DIAPH2: variants seen among roughly 807,000 people sequenced by gnomAD.
DIAPH2 encodes the protein protein diaphanous homolog 2.
A neutral mutation model predicts 92.7 loss-of-function variants in DIAPH2; 35 were observed. The ratio of observed to expected loss-of-function variants is 0.38; its 90% CI spans 0.29 to 0.50. The LOEUF is 0.50. DIAPH2 is among the 20% of genes least tolerant of loss of function. The pLI is 0.94. For synonymous variants in DIAPH2, 301 were observed against 280.4 expected, an observed-to-expected ratio of 1.07 and a Z score of -0.73; for missense variants, 701 against 819.5, an observed-to-expected ratio of 0.86 and a Z score of 1.77.
At chrX:96,836,214 G>T in intron 4 of DIAPH2, among the ~76,000 whole-genome samples, 1 of 109,294 alleles carries the variant, frequency 9.1e-6, no homozygotes, top group Non-Finnish European at 1.9e-5. Flanking sequence ...CCCTCCCACC[G>T]TTTCTCCTAA....
intron 26 of DIAPH2, among the ~76,000 whole-genome samples, chrX:97,551,483 G>A (rs1355830388): frequency 3.7e-5 from 4 of 108,750 alleles, no homozygotes; most frequent in Non-Finnish European, 5.7e-5. Context: ...CCAGCTACTC[G>A]GGAGATTGAG....
At chrX:96,960,208 G>A (rs749918993) in intron 16 of DIAPH2, among the ~76,000 whole-genome samples, 2 of 111,081 alleles carry the variant, frequency 1.8e-5, no homozygotes, top group African/African-American at 6.5e-5. Flanking sequence ...TTGTATGGTC[G>A]TTTTAACAGT....
intron 16 of DIAPH2, among the ~76,000 whole-genome samples, chrX:96,960,511 G>A (rs1450416295): frequency 9.0e-6 from 1 of 110,731 alleles, no homozygotes; most frequent in Admixed American, 9.6e-5. Context: ...GGGGTGTTTA[G>A]GTATCTCCAA....
At chrX:96,778,430 T>C (rs2064392836) in intron 4 of DIAPH2, among the ~76,000 whole-genome samples, 1 of 110,859 alleles carries the variant, frequency 9.0e-6, no homozygotes, top group Non-Finnish European at 1.9e-5. Flanking sequence ...TTTTTTTGCC[T>C]TTTCTGAGCC....
chrX:97,137,172 ACTTGCAC>A (rs1162539279), intron 21 of DIAPH2, among the ~76,000 whole-genome samples: 6 of 104,920 alleles, frequency 5.7e-5, no homozygotes, highest in Admixed American at 1.1e-4. Context: ...TCTGGCATTC[ACTTGCAC>A]CTAACTCTAG....
At chrX:97,037,082 G>A (rs2066415965) in intron 17 of DIAPH2, among the ~76,000 whole-genome samples, 1 of 111,393 alleles carries the variant, frequency 9.0e-6, no homozygotes, top group Non-Finnish European at 1.9e-5. Flanking sequence ...TTAAGTGGTA[G>A]ATCCAGTATT....
intron 17 of DIAPH2, among the ~76,000 whole-genome samples, chrX:97,012,583 G>A (rs1425433516): frequency 8.9e-6 from 1 of 111,903 alleles, no homozygotes; most frequent in Admixed American, 9.5e-5. Flanking sequence ...ACCTCTTTAA[G>A]TACATTTCTC....
At chrX:96,840,743 G>A (rs2064930637) in intron 4 of DIAPH2, among the ~76,000 whole-genome samples, 1 of 109,474 alleles carries the variant, frequency 9.1e-6, no homozygotes, top group African/African-American at 3.3e-5. Context: ...TGAGTAGCTG[G>A]GACTACAGAC....
At chrX:97,390,542 C>G (rs895408130) in intron 25 of DIAPH2, among the ~76,000 whole-genome samples, 18 of 108,381 alleles carry the variant, frequency 1.7e-4, no homozygotes, top group African/African-American at 5.4e-4. Flanking sequence ...CTTTTCTTTT[C>G]TTTTTTTTGA....
rs2064321911 is a variant in DIAPH2 at position 96,769,071 on chromosome X, G to T, written c.447+10813G>T. ...TTGTTGCTGTAGTTTAAGTAATAAGGGTGCTGAACTGGAGTGTGGTTAGTA... is the reference window on the plus strand; with the variant it reads ...TTGTTGCTGTAGTTTAAGTAATAAGTGTGCTGAACTGGAGTGTGGTTAGTA... On this transcript the variant is annotated intron_variant, in intron 4 of 26. Transcript: ENST00000324765. Among the ~76,000 whole-genome samples, 3 of 111,081 alleles carry T rather than the reference G, an allele frequency of 2.7e-5. No homozygotes were observed. In the Admixed American group the frequency reaches 2.9e-4, roughly 11 times the overall value.
chrX:96,889,267 A>G (rs1443537315), intron 5 of DIAPH2, among the ~76,000 whole-genome samples: 3 of 111,334 alleles, frequency 2.7e-5, no homozygotes, highest in Non-Finnish European at 5.7e-5. Flanking sequence ...AAATCTATGC[A>G]TGTAGTTTTT....
At chrX:97,024,494 C>A (rs2066318569) in intron 17 of DIAPH2, among the ~76,000 whole-genome samples, 1 of 111,976 alleles carries the variant, frequency 8.9e-6, no homozygotes, top group Non-Finnish European at 1.9e-5. Context: ...AAGAGTCACC[C>A]TCTTTGTGTG....
chrX:96,962,099 T>C (rs1419051582), intron 16 of DIAPH2, among the ~76,000 whole-genome samples: 1 of 106,292 alleles, frequency 9.4e-6, no homozygotes, highest in Non-Finnish European at 1.9e-5. Context: ...AGATGATCTG[T>C]CTAATGCTGG....
chrX:97,023,128 G>A (rs1039611717), intron 17 of DIAPH2, among the ~76,000 whole-genome samples: 4 of 111,811 alleles, frequency 3.6e-5, no homozygotes, highest in Admixed American at 9.5e-5. Context: ...GATAATTTGG[G>A]TTTCTAACTC....
chrX:97,046,236 A>G (rs1218594001), intron 17 of DIAPH2, among the ~76,000 whole-genome samples: 1 of 109,209 alleles, frequency 9.2e-6, no homozygotes, highest in Admixed American at 9.8e-5. Context: ...TGTTGGAAAG[A>G]AAAAGTTGAA....
At chrX:96,698,980 C>T (rs773811449) in intron 1 of DIAPH2, among the ~76,000 whole-genome samples, 2 of 109,878 alleles carry the variant, frequency 1.8e-5, no homozygotes, top group Admixed American at 1.9e-4. Flanking sequence ...ATCCTCCTGC[C>T]TCAACTCAGC....
chrX:97,347,255 AT>A (rs1274673082), intron 23 of DIAPH2, among the ~76,000 whole-genome samples: 1 of 107,085 alleles, frequency 9.3e-6, no homozygotes, highest in Non-Finnish European at 1.9e-5. Flanking sequence ...TGCCTGGCTA[AT>A]TTTTTTGTAC....
intron 11 of DIAPH2, 43 bp downstream of exon 11, chrX:96,937,394 A>T: frequency 2.3e-6 from 2 of 879,508 alleles, no homozygotes; most frequent in Non-Finnish European, 3.1e-6. Flanking sequence ...TTGCATTGTG[A>T]GAAAGGGATT....
At chrX:97,497,731 G>A (rs187639781) in intron 26 of DIAPH2, among the ~76,000 whole-genome samples, 50 of 110,254 alleles carry the variant, frequency 4.5e-4, no homozygotes, top group Non-Finnish European at 8.7e-4. Flanking sequence ...GCTTGAACCC[G>A]GGAGTTGGAG....
Sources: allele counts gnomAD v4.1 joint callset (sites outside exome capture counted in the v4.1 genomes callset), GRCh38; gene constraint gnomAD v4.1.1; transcripts MANE v1.5; gene names NCBI Gene and HGNC (gene_info 2026-07-23, HGNC 2026-07-21).